ADAMTS18: variants seen among roughly 807,000 people sequenced by gnomAD.
ADAMTS18 encodes the protein A disintegrin and metalloproteinase with thrombospondin motifs 18.
Under a neutral mutation model 165.9 loss-of-function variants are expected in ADAMTS18, and 157 were observed. The ratio of observed to expected loss-of-function variants is 0.95; its 90% CI spans 0.83 to 1.08. ADAMTS18 has a LOEUF of 1.08. ADAMTS18 is among the 50% of genes least tolerant of loss of function. ADAMTS18 has a pLI of 0.00. For synonymous variants in ADAMTS18, 782 were observed against 578.2 expected (o/e 1.35, Z -5.06); for missense variants, 2,040 against 1,534.0 (o/e 1.33, Z -5.51).
chr16:77,404,757 G>A (rs964211604), intron 3 of ADAMTS18, among the ~76,000 whole-genome samples: 3 of 152,070 alleles, frequency 2.0e-5, no homozygotes, highest in African/African-American at 2.4e-5. Flanking sequence ...CTGATTCTAT[G>A]CTAGGCTCTG....
intron 13 of ADAMTS18, among the ~76,000 whole-genome samples, chr16:77,325,452 C>T (rs1047965460): frequency 3.9e-5 from 6 of 152,000 alleles, no homozygotes; most frequent in Non-Finnish European, 5.9e-5. Flanking sequence ...ACAGGCCTTC[C>T]CATGCTTGTA....
rs80302542 is a variant in ADAMTS18, at chr16:77,390,947, T to C, written c.496-23224A>G. ...GTCTGGAAAGTTCTATGGAACAGCA[T>C]TGCAAATTATTGCCAAATATGTCGG... On this transcript the variant is annotated intron_variant, in intron 3 of 22. Coordinates refer to ENST00000282849, the MANE Select transcript of ADAMTS18 (RefSeq NM_199355.4). Among the ~76,000 whole-genome samples, 157 of 152,340 alleles carry C rather than the reference T, an allele frequency of 1.0e-3. 3 individuals are homozygous for C. In the East Asian group the frequency reaches 0.011, roughly 11 times the overall value.
At chr16:77,291,024 T>G in intron 21 of ADAMTS18, 1 of 460,870 alleles carries the variant, frequency 2.2e-6, no homozygotes, top group Non-Finnish European at 3.9e-6. Flanking sequence ...TTACATACAT[T>G]TTCTGATGAA....
In ADAMTS18 at chr16:77,293,129, C is replaced by T. The variant is rs1225977604; in HGVS notation, c.3136G>A (p.Gly1046Arg). ...RPELQEGCVL[G>R]RCPKNSRLQW... is the part of the protein sequence containing the mutation. ...AGCCGGCTGTTCTTGGGGCATCGTC[C>T]AAGCACACAGCCCTCCTGCAGCTCA... is the stretch of plus-strand genomic sequence containing the variant. The change falls in exon 20 of 23, where the codon GGA (glycine) becomes AGA (arginine). Residue 1046 changes from glycine (G) to arginine (R), a missense_variant. Transcript: ENST00000282849. 6.2e-7 allele frequency: 1 copy of T among 1,614,030 alleles called. No homozygotes were observed. Among genetic ancestry groups the T allele is most frequent in the African/African-American group, 1.3e-5 (1 of 74,998 alleles).
chr16:77,303,449 C>A (rs1050892748), intron 16 of ADAMTS18, among the ~76,000 whole-genome samples: 1 of 152,054 alleles, frequency 6.6e-6, no homozygotes, highest in Admixed American at 6.5e-5. Context: ...TTGTTTAGGC[C>A]AAAATAAAAA....
At chr16:77,411,827 T>C (rs781193479) in intron 3 of ADAMTS18, among the ~76,000 whole-genome samples, 3 of 151,468 alleles carry the variant, frequency 2.0e-5, no homozygotes, top group Non-Finnish European at 4.4e-5. Flanking sequence ...GCTGGGATTA[T>C]AGGTGCCCAC....
chr16:77,305,188 GC>G (rs1485366099), intron 16 of ADAMTS18, among the ~76,000 whole-genome samples: 20 of 152,150 alleles, frequency 1.3e-4, no homozygotes, highest in African/African-American at 4.8e-4. Flanking sequence ...TAAGTAAGAT[GC>G]TCTTTGCCCC....
At chr16:77,320,897 G>A (rs1003093836) in intron 15 of ADAMTS18, among the ~76,000 whole-genome samples, 182 bp downstream of exon 15, 3 of 152,176 alleles carry the variant, frequency 2.0e-5, no homozygotes, top group African/African-American at 7.2e-5. Flanking sequence ...GTTTCTACGA[G>A]GTAATGTATC....
intron 3 of ADAMTS18, among the ~76,000 whole-genome samples, chr16:77,377,652 G>C (rs1354586843): frequency 1.3e-5 from 2 of 152,152 alleles, no homozygotes; most frequent in Non-Finnish European, 2.9e-5. Context: ...AAAAATACTA[G>C]CAAAGACATA....
chr16:77,426,694 G>A (rs540733185), intron 3 of ADAMTS18, among the ~76,000 whole-genome samples: 70 of 152,280 alleles, frequency 4.6e-4, no homozygotes, highest in African/African-American at 1.6e-3. Flanking sequence ...TCTCAACAGT[G>A]CCTGACACAC....
At chr16:77,362,334 G>T in intron 6 of ADAMTS18, 70 bp from the exon 7 acceptor site, 2 of 1,534,980 alleles carry the variant, frequency 1.3e-6, no homozygotes, top group South Asian at 1.1e-5. Flanking sequence ...CATTCCATTT[G>T]TACAGGCAAA....
rs570988805 is a variant in ADAMTS18 at position 77,364,047 on chromosome 16, T to C, written c.972+141A>G. The C allele has an allele frequency of 3.1e-4, 402 of 1,279,832 alleles. 2 individuals are homozygous for C. The highest frequency in any genetic ancestry group is 4.1e-4 in the Non-Finnish European group (368 of 888,390). 79.3% of individuals were successfully genotyped at this position (1,279,832 alleles called of 1,614,324 possible). On this transcript the variant is annotated intron_variant, in intron 5 of 22. Transcript: ENST00000282849. ...CTCAACTTAAAAAAATAAAACCACA[T>C]ATGTAGCTATTAAAAGTAATGGCAG...
chr16:77,285,223 A>C (rs2055224970), intron 22 of ADAMTS18, among the ~76,000 whole-genome samples: 1 of 152,250 alleles, frequency 6.6e-6, no homozygotes, highest in Admixed American at 6.5e-5. Flanking sequence ...CCCAGGCTGG[A>C]GTGCAATGGT....
At chr16:77,373,492 A>G (rs1456584054) in intron 3 of ADAMTS18, among the ~76,000 whole-genome samples, 1 of 151,910 alleles carries the variant, frequency 6.6e-6, no homozygotes, top group African/African-American at 2.4e-5. Context: ...AAGAAAAGAA[A>G]AGAAAAAAAA....
intron 3 of ADAMTS18, among the ~76,000 whole-genome samples, chr16:77,397,121 T>C (rs927465444): frequency 2.0e-5 from 3 of 152,150 alleles, no homozygotes; most frequent in African/African-American, 7.2e-5. Context: ...GATTGCTTTC[T>C]AGGAGACCCA....
At chr16:77,356,640 T>C (rs1282437544) in intron 8 of ADAMTS18, among the ~76,000 whole-genome samples, 1 of 152,158 alleles carries the variant, frequency 6.6e-6, no homozygotes, top group Non-Finnish European at 1.5e-5. Context: ...TTTTTTAACA[T>C]GCTTGAACCC....
intron 3 of ADAMTS18, among the ~76,000 whole-genome samples, chr16:77,395,917 T>C (rs935843221): frequency 2.0e-5 from 3 of 152,196 alleles, no homozygotes; most frequent in Non-Finnish European, 4.4e-5. Flanking sequence ...ATGATAGTCA[T>C]GATATTTTCT....
intron 3 of ADAMTS18, among the ~76,000 whole-genome samples, chr16:77,368,710 C>T (rs1034828990): frequency 6.6e-6 from 1 of 151,874 alleles, no homozygotes; most frequent in Non-Finnish European, 1.5e-5. Flanking sequence ...CAGTTCTGGC[C>T]CATCTTGATT....
intron 22 of ADAMTS18, among the ~76,000 whole-genome samples, chr16:77,285,996 T>A (rs1185358255): frequency 2.7e-5 from 4 of 150,514 alleles, no homozygotes; most frequent in Admixed American, 2.0e-4. Context: ...CTGCTCAAAG[T>A]TCTCCATTGG....
Sources: gnomAD v4.1 joint callset for allele counts (sites outside exome capture counted in the v4.1 genomes callset) on GRCh38, gnomAD v4.1.1 for gene constraint, MANE v1.5 for transcripts, NCBI Gene and HGNC (gene_info 2026-07-23, HGNC 2026-07-21) for gene names.